SVEP1: variants seen among roughly 807,000 people sequenced by gnomAD.
SVEP1 encodes the protein sushi, von Willebrand factor type A, EGF and pentraxin domain containing 1.
In SVEP1, 164 loss-of-function variants were observed where a neutral mutation model predicts 367.3. That is an observed-to-expected ratio of 0.45 (90% CI 0.39 to 0.51). SVEP1 has a LOEUF of 0.51. SVEP1 is among the 20% of genes least tolerant of loss of function. The pLI, the probability that SVEP1 is intolerant of heterozygous loss-of-function variation, is 0.00. For missense variants in SVEP1, 4,117 were observed against 4,425.3 expected, an observed-to-expected ratio of 0.93 and a Z score of 1.98; for synonymous variants, 1,666 against 1,611.6, an observed-to-expected ratio of 1.03 and a Z score of -0.81.
Position 110,427,634 on chromosome 9 carries a change from T to C in SVEP1, c.5932A>G (p.Asn1978Asp). 4 of 1,613,922 alleles carry C rather than the reference T, an allele frequency of 2.5e-6. No individual in the cohort carries two copies. The highest frequency in any genetic ancestry group is 3.4e-6 in the Non-Finnish European group (4 of 1,179,848). ...AIKDAVITGNNFTFRNTVTYT... is the reference protein window; with the variant it reads ...AIKDAVITGNDFTFRNTVTYT... ...GTGACGGTGTTCCTGAAAGTGAAGT[T>C]ATTCCCCGTAATGACAGCATCTTTG... Residue 1978 changes from asparagine to aspartate, a missense_variant, in exon 36 of 48, where the codon AAC becomes GAC. Asn to Asp is a conservative substitution (Grantham distance 23). Around this residue, in one of 4 missense-constraint regions of SVEP1, gnomAD observed 2,174 missense variants for 2,494.3 expected, o/e 0.87. Transcript: ENST00000374469.
intron 36 of SVEP1, among the ~76,000 whole-genome samples, chr9:110,426,624 T>C (rs1465043511): frequency 1.3e-5 from 2 of 152,150 alleles, no homozygotes; most frequent in Non-Finnish European, 2.9e-5. Flanking sequence ...ATGAAAATAT[T>C]TATTGAGGAT....
At chr9:110,500,375 T>C (rs1161014236) in intron 6 of SVEP1, among the ~76,000 whole-genome samples, 1 of 152,208 alleles carries the variant, frequency 6.6e-6, no homozygotes, top group Non-Finnish European at 1.5e-5. Flanking sequence ...TCCTTTTGGC[T>C]GTCAAAGTTG....
chr9:110,476,154 T>C (rs1394852926), intron 14 of SVEP1, 50 bp downstream of exon 14: 8 of 1,156,654 alleles, frequency 6.9e-6, no homozygotes, highest in Non-Finnish European at 1.0e-5. Context: ...GAATTATTCT[T>C]ATTTTGCAGA....
chr9:110,430,473 GAAT>G (rs1828334618), intron 32 of SVEP1, 23 bp from the exon 33 acceptor site: 2 of 1,589,002 alleles, frequency 1.3e-6, no homozygotes, highest in South Asian at 1.1e-5. Flanking sequence ...AGTTTTGGTG[GAAT>G]AATAAGTGGC....
chr9:110,483,709 T>C lies in SVEP1; in HGVS notation c.1931-16A>G. On this transcript the variant is annotated splice_polypyrimidine_tract_variant and intron_variant, in intron 9 of 47. Transcript: ENST00000374469. ...GGTTCTGCATCTGAAGAACATGAAA[T>C]CAGACAAAGAAGTCACAGCTGATAT... The C allele has an allele frequency of 6.4e-7, 1 of 1,559,556 alleles. No individual in the cohort carries two copies. Among genetic ancestry groups the C allele is most frequent in the Non-Finnish European group, 8.7e-7 (1 of 1,152,436 alleles).
intron 36 of SVEP1, among the ~76,000 whole-genome samples, chr9:110,423,133 TAATAAAAAAAA>T (rs1339553736): frequency 6.8e-5 from 3 of 44,026 alleles, no homozygotes; most frequent in Non-Finnish European, 1.5e-4. Flanking sequence ...AAAATAATAA[TAATAAAAAAAA>T]AATAAAAAAA....
intron 24 of SVEP1, 125 bp downstream of exon 24, chr9:110,449,934 T>C: frequency 8.9e-7 from 1 of 1,119,646 alleles, no homozygotes. Context: ...AGCTGTAGCC[T>C]ATCCTCGGGC....
At chr9:110,463,763 G>C (rs755802413) in intron 18 of SVEP1, among the ~76,000 whole-genome samples, 1 of 151,466 alleles carries the variant, frequency 6.6e-6, no homozygotes, top group Non-Finnish European at 1.5e-5. Flanking sequence ...AAGTGAGAAA[G>C]GAGTTAAAAA....
In SVEP1 at chr9:110,406,627, G is replaced by A; in HGVS notation, c.8973C>T (p.Ser2991=). The A allele has an allele frequency of 6.2e-7, 1 of 1,613,976 alleles. No homozygotes were observed. The highest frequency in any genetic ancestry group is 8.5e-7 in the Non-Finnish European group (1 of 1,179,894). Residue 2991 remains serine (S), a synonymous_variant, in exon 38 of 48, where the codon TCC becomes TCT. Coordinates refer to ENST00000374469, the MANE Select transcript of SVEP1 (RefSeq NM_153366.4). Reference sequence around the variant, plus strand: ...GTGAGCTGCCACTCCAGGAGCCATTGGAGAGGCACCTTCTTGATGAATTTC... The same window carrying A: ...GTGAGCTGCCACTCCAGGAGCCATTAGAGAGGCACCTTCTTGATGAATTTC... The part of the protein sequence containing the change: ...LHGNSSRRCL[S]NGSWSGSSPS...
intron 1 of SVEP1, among the ~76,000 whole-genome samples, chr9:110,575,331 A>C (rs2118891381): frequency 6.6e-6 from 1 of 152,296 alleles, no homozygotes; most frequent in South Asian, 2.1e-4. Flanking sequence ...TTGGATCAAC[A>C]TTCTCAGAGG....
chr9:110,513,808 C>T, intron 4 of SVEP1, 140 bp downstream of exon 4: 1 of 996,402 alleles, frequency 1.0e-6, no homozygotes, highest in Admixed American at 2.9e-5. Flanking sequence ...AAAAGCAAAT[C>T]ATCCCACTCC....
At chr9:110,490,954 G>A (rs1236377873) in intron 8 of SVEP1, among the ~76,000 whole-genome samples, 1 of 151,850 alleles carries the variant, frequency 6.6e-6, no homozygotes, top group Non-Finnish European at 1.5e-5. Context: ...TTTCAAATAA[G>A]ATTAGAAAGC....
intron 9 of SVEP1, among the ~76,000 whole-genome samples, chr9:110,485,966 T>G (rs60923858): frequency 0.028 from 4,280 of 152,266 alleles, 188 homozygotes; most frequent in African/African-American, 0.098. Context: ...AGACCTTAGG[T>G]TTATTATTTC....
intron 1 of SVEP1, among the ~76,000 whole-genome samples, chr9:110,551,144 G>A (rs549187243): frequency 6.6e-6 from 1 of 152,214 alleles, no homozygotes; most frequent in Non-Finnish European, 1.5e-5. Flanking sequence ...TAGGCAGGAA[G>A]AGTGACAACT....
chr9:110,390,184 TATAC>T lies in SVEP1; in HGVS notation c.9823-601_9823-598del, dbSNP rs369817570. Among the ~76,000 whole-genome samples, 6 of 64,732 alleles carry T rather than the reference TATAC, an allele frequency of 9.3e-5. 1 individual carries two copies. The highest frequency in any genetic ancestry group is 2.5e-4 in the African/African-American group (4 of 15,838). The allele number at this position is 64,732 out of a possible 152,430, so 42.5% of individuals were successfully genotyped here. ...ATACTTATATAAGTATGTATGTATA[TATAC>T]ACTTATATAAGTATGTATGTATATA... On this transcript the variant is annotated intron_variant, in intron 40 of 47. Transcript: ENST00000374469.
intron 38 of SVEP1, among the ~76,000 whole-genome samples, chr9:110,405,935 A>G (rs1442465953): frequency 1.3e-5 from 2 of 152,228 alleles, no homozygotes. Flanking sequence ...GATAGTCATG[A>G]TAATTATATT....
chr9:110,486,609 G>A (rs1405548847), intron 9 of SVEP1, among the ~76,000 whole-genome samples: 1 of 149,242 alleles, frequency 6.7e-6, no homozygotes, highest in Non-Finnish European at 1.5e-5. Context: ...TTCTTTCTCT[G>A]CTTCATCTTC....
chr9:110,470,715 C>A (rs565444198), intron 16 of SVEP1, among the ~76,000 whole-genome samples: 1 of 151,284 alleles, frequency 6.6e-6, no homozygotes, highest in African/African-American at 2.4e-5. Flanking sequence ...GGATTACAGG[C>A]ATGAGCTACC....
chr9:110,384,399 C>T (rs530697633), intron 43 of SVEP1, among the ~76,000 whole-genome samples: 2 of 151,586 alleles, frequency 1.3e-5, no homozygotes, highest in African/African-American at 2.4e-5. Context: ...CCTCAGTTGC[C>T]GGTGCAGGAT....
Sources: gnomAD v4.1 joint callset for allele counts (sites outside exome capture counted in the v4.1 genomes callset) on GRCh38, gnomAD v4.1.1 for gene constraint, gnomAD v4.1.1 regional missense constraint, MANE v1.5 for transcripts, NCBI Gene and HGNC (gene_info 2026-07-23, HGNC 2026-07-21) for gene names.